UNC5D: variants seen among roughly 807,000 people sequenced by gnomAD.
UNC5D encodes unc-5 netrin receptor D.
A neutral mutation model predicts 105.4 loss-of-function variants in UNC5D; 39 were observed. The observed-to-expected ratio is 0.37, with a 90% CI of 0.29 to 0.48. The LOEUF is 0.48. UNC5D is among the 20% of genes least tolerant of loss of function. The pLI is 0.98. For synonymous variants in UNC5D, 452 were observed against 450.4 expected (o/e 1.00, Z -0.04); for missense variants, 991 against 1,202.4 (o/e 0.82, Z 2.60).
At chr8:35,319,146 A>C (rs1404923171) in intron 1 of UNC5D, among the ~76,000 whole-genome samples, 2 of 152,102 alleles carry the variant, frequency 1.3e-5, no homozygotes, top group Non-Finnish European at 2.9e-5. Context: ...TAAGTATGGC[A>C]ATGAAGTCTG....
At chr8:35,431,057 T>C (rs16883918) in intron 1 of UNC5D, among the ~76,000 whole-genome samples, 3,669 of 152,344 alleles carry the variant, frequency 0.024, 149 homozygotes, top group African/African-American at 0.085. Flanking sequence ...GTTATCTGTA[T>C]ACTTGAATAT....
intron 1 of UNC5D, among the ~76,000 whole-genome samples, chr8:35,449,468 C>T (rs772135052): frequency 6.6e-6 from 1 of 152,152 alleles, no homozygotes; most frequent in Non-Finnish European, 1.5e-5. Context: ...CCGCCCCATG[C>T]ATTTAGCATC....
Position 35,587,965 on chromosome 8 carries a change from A to AATATATATATATAT in UNC5D, c.467-7573_467-7560dup, listed in dbSNP as rs57681405. ...TTAGGGTTTTTCCTATAACTATAAT[A>AATATATATATATAT]ATATATATATATATATATATATATA... On this transcript the variant is annotated intron_variant, in intron 3 of 16. Transcript: ENST00000404895. Among the ~76,000 whole-genome samples, 356 of 105,026 alleles carry AATATATATATATAT rather than the reference A, an allele frequency of 3.4e-3. 7 individuals are homozygous for AATATATATATATAT. Among genetic ancestry groups the AATATATATATATAT allele is most frequent in the African/African-American group, 4.4e-3 (132 of 30,194 alleles). 68.9% of individuals were successfully genotyped at this position (105,026 alleles called of 152,430 possible).
At chr8:35,480,765 G>A (rs936611371) in intron 1 of UNC5D, among the ~76,000 whole-genome samples, 2 of 152,180 alleles carry the variant, frequency 1.3e-5, no homozygotes, top group Admixed American at 6.5e-5. Flanking sequence ...AATCGGGCAA[G>A]ATAAAGGAGA....
At position 35,511,218 on chromosome 8, in the gene UNC5D, A is replaced by T. The variant is rs1812676527; in HGVS notation, c.104-38074A>T. On this transcript the variant is annotated intron_variant, in intron 1 of 16. Transcript: ENST00000404895. ...GAGATGCCAAGAAAATACTGAAATA[A>T]GGCCTTGTGTAAATACAATGAACAT... 5.3e-5 allele frequency among the ~76,000 whole-genome samples: 8 copies of T among 152,354 alleles called. No homozygotes were observed. The South Asian group carries it at 1.7e-3, about 32-fold the overall frequency.
intron 1 of UNC5D, among the ~76,000 whole-genome samples, chr8:35,393,083 T>A (rs1402662284): frequency 2.7e-5 from 4 of 149,450 alleles, no homozygotes; most frequent in Non-Finnish European, 6.0e-5. Flanking sequence ...CTACTTTAGA[T>A]AATCATGCAA....
chr8:35,633,896 A>G (rs1822199064), intron 4 of UNC5D, among the ~76,000 whole-genome samples: 2 of 152,222 alleles, frequency 1.3e-5, no homozygotes, highest in African/African-American at 2.4e-5. Flanking sequence ...CACTTACCCA[A>G]GAATCCTATC....
At chr8:35,428,804 C>A (rs1398306689) in intron 1 of UNC5D, among the ~76,000 whole-genome samples, 1 of 151,936 alleles carries the variant, frequency 6.6e-6, no homozygotes, top group East Asian at 1.9e-4. Flanking sequence ...TATGAAAACA[C>A]CACCAACCAA....
chr8:35,270,575 A>T (rs1031018259), intron 1 of UNC5D, among the ~76,000 whole-genome samples: 1 of 152,232 alleles, frequency 6.6e-6, no homozygotes, highest in Non-Finnish European at 1.5e-5. Flanking sequence ...ATTAGTGATT[A>T]TGACAAATTG....
intron 1 of UNC5D, among the ~76,000 whole-genome samples, chr8:35,505,835 G>T (rs573710041): frequency 6.6e-6 from 1 of 152,210 alleles, no homozygotes; most frequent in Admixed American, 6.5e-5. Flanking sequence ...GACTGCCTTT[G>T]ATCAGACTCT....
At position 35,796,522 on chromosome 8, in the gene UNC5D, A is replaced by G. The variant is rs1326482032; in HGVS notation, c.*5959A>G. On this transcript the variant is annotated 3_prime_UTR_variant, in exon 17 of 17. Transcript: ENST00000404895. ...TACTGCATATCAGTTATTTATGAAT[A>G]AAGAGTCTTTTATTGACATTTTAGG... 1.3e-5 allele frequency: 2 copies of G among 151,908 alleles called. No individual in the cohort carries two copies. Among genetic ancestry groups the G allele is most frequent in the African/African-American group, 4.8e-5 (2 of 41,316 alleles). The allele number at this position is 151,908 out of a possible 1,614,324, so 9.4% of individuals were successfully genotyped here.
intron 3 of UNC5D, among the ~76,000 whole-genome samples, chr8:35,578,036 C>T (rs892621301): frequency 6.6e-6 from 1 of 151,706 alleles, no homozygotes; most frequent in African/African-American, 2.4e-5. Context: ...ACCAGCCTGG[C>T]CAACATGGTG....
chr8:35,591,443 G>T (rs1819168221), intron 3 of UNC5D, among the ~76,000 whole-genome samples: 1 of 151,800 alleles, frequency 6.6e-6, no homozygotes. Flanking sequence ...ATCTATCTAG[G>T]GTTGTTTCTT....
At chr8:35,392,569 C>T (rs563642186) in intron 1 of UNC5D, among the ~76,000 whole-genome samples, 4 of 152,270 alleles carry the variant, frequency 2.6e-5, no homozygotes, top group Admixed American at 6.5e-5. Context: ...ATTCATTCTT[C>T]GCAAAGTTAC....
intron 1 of UNC5D, among the ~76,000 whole-genome samples, chr8:35,263,304 A>G (rs923149996): frequency 6.6e-6 from 1 of 152,208 alleles, no homozygotes; most frequent in Non-Finnish European, 1.5e-5. Context: ...CAATTAATAA[A>G]TTGCTTATTT....
At chr8:35,329,189 A>G (rs561428692) in intron 1 of UNC5D, among the ~76,000 whole-genome samples, 3 of 152,270 alleles carry the variant, frequency 2.0e-5, no homozygotes, top group African/African-American at 7.2e-5. Flanking sequence ...GAGAGGTTAA[A>G]TAACATGCTC....
At chr8:35,631,245 C>T (rs554407101) in intron 4 of UNC5D, among the ~76,000 whole-genome samples, 9 of 150,618 alleles carry the variant, frequency 6.0e-5, no homozygotes, top group East Asian at 2.0e-4. Context: ...ACCCAGGAGG[C>T]GGAGGTTTCA....
Position 35,722,269 on chromosome 8 carries a change from G to C in UNC5D, c.1177G>C (p.Val393Leu), listed in dbSNP as rs200480436. ...GGGCTTGGGTGCTGCCGTCGTGGCC[G>C]TTGCAGTCCTGGTCATTGGTGTCAC... ...YSGLGAAVVA[V>L]AVLVIGVTLY... Residue 393 changes from valine (V) to leucine (L), a missense_variant, in exon 9 of 17, where the codon GTT (valine) becomes CTT (leucine). By Grantham distance (32) the Val-to-Leu change is conservative. Coordinates refer to ENST00000404895, the MANE Select transcript of UNC5D (RefSeq NM_080872.4). 6.2e-7 allele frequency: 1 copy of C among 1,614,138 alleles called. No homozygotes were observed. The highest frequency in any genetic ancestry group is 8.5e-7 in the Non-Finnish European group (1 of 1,180,018).
intron 14 of UNC5D, among the ~76,000 whole-genome samples, chr8:35,762,336 T>C (rs1455421457): frequency 6.6e-6 from 1 of 152,152 alleles, no homozygotes; most frequent in Non-Finnish European, 1.5e-5. Flanking sequence ...AGATCTTAAA[T>C]CTTGTTGGTT....
Sources: gnomAD v4.1 joint callset for allele counts (sites outside exome capture counted in the v4.1 genomes callset) on GRCh38, gnomAD v4.1.1 for gene constraint, MANE v1.5 for transcripts, NCBI Gene and HGNC (gene_info 2026-07-23, HGNC 2026-07-21) for gene names.